PRLR: variants seen among roughly 807,000 people sequenced by gnomAD.
PRLR encodes the protein hPRL receptor.
PRLR carries 13 observed loss-of-function variants against 40.2 expected under a neutral mutation model. The ratio of observed to expected loss-of-function variants is 0.32; its 90% CI spans 0.21 to 0.51. The LOEUF is 0.51. Among genes scored for constraint, PRLR ranks in the 20% least tolerant of loss-of-function variants. The pLI is 0.97. For synonymous variants in PRLR, 269 were observed against 278.7 expected (o/e 0.97, Z 0.35); for missense variants, 656 against 747.3 (o/e 0.88, Z 1.42).
rs116911330 is a variant in PRLR, at chr5:35,181,545, C to T, written c.-106+48723G>A. On this transcript the variant is annotated intron_variant, in intron 1 of 9. Transcript: ENST00000618457. ...TTATTCTTTTAGAAGAGTCCTTCTT[C>T]ATCCCTTAATAGACTTAATAACACA... 7.9e-4 allele frequency among the ~76,000 whole-genome samples: 120 copies of T among 152,324 alleles called. 1 individual carries two copies. In the East Asian group the frequency reaches 0.022, roughly 28 times the overall value.
chr5:35,210,658 T>C (rs1776146880), intron 1 of PRLR, among the ~76,000 whole-genome samples: 1 of 152,212 alleles, frequency 6.6e-6, no homozygotes, highest in Non-Finnish European at 1.5e-5. Context: ...ATGTGGTTTG[T>C]GTAAACTACT....
At chr5:35,227,297 G>A (rs1182427610) in intron 1 of PRLR, among the ~76,000 whole-genome samples, 10 of 152,202 alleles carry the variant, frequency 6.6e-5, no homozygotes, top group Admixed American at 6.5e-4. Context: ...TGATATTGGG[G>A]AGCTTGGGAG....
chr5:35,110,005 G>T (rs535046860), intron 2 of PRLR, among the ~76,000 whole-genome samples: 1 of 152,270 alleles, frequency 6.6e-6, no homozygotes, highest in South Asian at 2.1e-4. Flanking sequence ...AAGAAAATGT[G>T]GCACATATAC....
At chr5:35,197,115 C>T (rs1024009571) in intron 1 of PRLR, among the ~76,000 whole-genome samples, 3 of 152,202 alleles carry the variant, frequency 2.0e-5, no homozygotes, top group Non-Finnish European at 2.9e-5. Context: ...AAACCACTTT[C>T]TCCTGTCCCC....
chr5:35,190,957 A>G (rs750389249), intron 1 of PRLR, among the ~76,000 whole-genome samples: 15 of 152,044 alleles, frequency 9.9e-5, no homozygotes, highest in Non-Finnish European at 1.9e-4. Context: ...AAATATTTAC[A>G]TAATGGGGAT....
At chr5:35,101,966 T>C (rs1251452536) in intron 2 of PRLR, among the ~76,000 whole-genome samples, 1 of 151,942 alleles carries the variant, frequency 6.6e-6, no homozygotes, top group African/African-American at 2.4e-5. Flanking sequence ...TAGCTGGGAT[T>C]ACAGGTGCGT....
At chr5:35,183,135 T>C (rs1406336575) in intron 1 of PRLR, among the ~76,000 whole-genome samples, 1 of 152,192 alleles carries the variant, frequency 6.6e-6, no homozygotes, top group Non-Finnish European at 1.5e-5. Context: ...GAGTAGGCAC[T>C]ACCCTGCCAA....
chr5:35,090,310 T>C (rs1771118351), intron 2 of PRLR, among the ~76,000 whole-genome samples: 1 of 152,228 alleles, frequency 6.6e-6, no homozygotes, highest in Non-Finnish European at 1.5e-5. Context: ...TTTAAATTCC[T>C]TGGGTTCAGA....
At chr5:35,189,829 G>T (rs1775552265) in intron 1 of PRLR, among the ~76,000 whole-genome samples, 1 of 152,114 alleles carries the variant, frequency 6.6e-6, no homozygotes, top group South Asian at 2.1e-4. Flanking sequence ...TGATTTCCAT[G>T]ACCCCAAGCC....
intron 1 of PRLR, among the ~76,000 whole-genome samples, chr5:35,174,414 C>T (rs1775089811): frequency 6.6e-6 from 1 of 152,182 alleles, no homozygotes; most frequent in Non-Finnish European, 1.5e-5. Context: ...TCTACATCGA[C>T]ACATGCAGCT....
intron 1 of PRLR, among the ~76,000 whole-genome samples, chr5:35,143,637 A>G (rs1020258317): frequency 3.3e-5 from 5 of 152,202 alleles, no homozygotes; most frequent in African/African-American, 1.2e-4. Context: ...TTAATTCCCA[A>G]TGCTTATAAC....
intron 5 of PRLR, among the ~76,000 whole-genome samples, chr5:35,074,523 A>ATATG (rs1452557258): frequency 1.3e-5 from 2 of 149,472 alleles, no homozygotes; most frequent in African/African-American, 5.0e-5. Flanking sequence ...ATATATATAT[A>ATATG]TATGAAATAT....
chr5:35,120,285 A>G (rs867062359), intron 1 of PRLR, among the ~76,000 whole-genome samples: 1 of 150,794 alleles, frequency 6.6e-6, no homozygotes, highest in Non-Finnish European at 1.5e-5. Context: ...TTCCCTCTCC[A>G]CTCTTCTTTA....
At chr5:35,202,072 G>A (rs556168653) in intron 1 of PRLR, among the ~76,000 whole-genome samples, 18 of 152,300 alleles carry the variant, frequency 1.2e-4, no homozygotes, top group African/African-American at 4.1e-4. Flanking sequence ...CTAACTAGCT[G>A]TGTGACCTTG....
chr5:35,088,494 G>A (rs1314344114), intron 3 of PRLR, among the ~76,000 whole-genome samples: 8 of 152,034 alleles, frequency 5.3e-5, no homozygotes, highest in African/African-American at 1.9e-4. Flanking sequence ...TTCTCTTGTG[G>A]GTCATTCTGA....
At chr5:35,106,391 G>T (rs1772252532) in intron 2 of PRLR, among the ~76,000 whole-genome samples, 1 of 152,180 alleles carries the variant, frequency 6.6e-6, no homozygotes, top group African/African-American at 2.4e-5. Flanking sequence ...AACCTTAAAT[G>T]TAAATGGGCT....
chr5:35,165,674 G>A (rs573158109), intron 1 of PRLR, among the ~76,000 whole-genome samples: 1 of 152,198 alleles, frequency 6.6e-6, no homozygotes, highest in South Asian at 2.1e-4. Context: ...CTTACCTTGG[G>A]GTAGCTCCAG....
intron 1 of PRLR, among the ~76,000 whole-genome samples, chr5:35,158,774 T>C (rs1774585774): frequency 3.9e-5 from 6 of 151,978 alleles, no homozygotes; most frequent in Admixed American, 3.9e-4. Context: ...GCAAGGAACT[T>C]AGGAGCCTGG....
At position 35,064,928 on chromosome 5, in the gene PRLR, T is replaced by C; in HGVS notation, c.*161A>G. 2 of 721,648 alleles carry C rather than the reference T, an allele frequency of 2.8e-6. No individual in the cohort carries two copies. The highest frequency in any genetic ancestry group is 4.1e-5 in the South Asian group (2 of 49,034). 44.7% of individuals were successfully genotyped at this position (721,648 alleles called of 1,614,324 possible). ...GGAAACATAATGATTTGTTCTGGAA[T>C]CAGCTGCTGGAGAAAGAGGCAAGTG... On this transcript the variant is annotated 3_prime_UTR_variant, in exon 10 of 10. Transcript: ENST00000618457.
Sources: gnomAD v4.1 joint callset for allele counts (sites outside exome capture counted in the v4.1 genomes callset) on GRCh38, gnomAD v4.1.1 for gene constraint, MANE v1.5 for transcripts, NCBI Gene and HGNC (gene_info 2026-07-23, HGNC 2026-07-21) for gene names.